Variants in UVRAG observed in about 807,000 individuals in gnomAD.
The protein encoded by UVRAG is UV radiation resistance-associated gene protein.
Under a neutral mutation model 78.0 loss-of-function variants are expected in UVRAG, and 19 were observed. That is an observed-to-expected ratio of 0.24 (90% CI 0.17 to 0.36). UVRAG has a LOEUF of 0.36. UVRAG is among the 10% of genes least tolerant of loss of function. UVRAG has a pLI of 1.00. For missense variants in UVRAG, 740 were observed against 853.8 expected, an observed-to-expected ratio of 0.87 and a Z score of 1.66; for synonymous variants, 323 against 324.6, an observed-to-expected ratio of 1.00 and a Z score of 0.05.
chr11:75,956,373 A>T (rs988444426), intron 6 of UVRAG, among the ~76,000 whole-genome samples: 2 of 150,430 alleles, frequency 1.3e-5, no homozygotes, highest in Admixed American at 1.3e-4. Flanking sequence ...GTGCAAAAGT[A>T]ATTGCAATTC....
intron 12 of UVRAG, among the ~76,000 whole-genome samples, chr11:76,036,820 A>C (rs1950544696): frequency 6.6e-6 from 1 of 152,042 alleles, no homozygotes; most frequent in South Asian, 2.1e-4. Flanking sequence ...ACATACTGTG[A>C]ACAGTTTTTA....
intron 12 of UVRAG, among the ~76,000 whole-genome samples, chr11:76,052,951 A>AT (rs1171994830): frequency 1.1e-4 from 17 of 149,482 alleles, no homozygotes; most frequent in Non-Finnish European, 2.4e-4. Flanking sequence ...TAGAGTATCT[A>AT]TATACTATAG....
intron 5 of UVRAG, among the ~76,000 whole-genome samples, chr11:75,894,802 CAA>C (rs375833755): frequency 4.8e-4 from 29 of 60,192 alleles, no homozygotes; most frequent in African/African-American, 9.2e-4. Context: ...CCGTCTCTAC[CAA>C]AAAAAAAAAA....
At chr11:75,920,638 G>C (rs976705520) in intron 6 of UVRAG, among the ~76,000 whole-genome samples, 1 of 151,744 alleles carries the variant, frequency 6.6e-6, no homozygotes, top group Non-Finnish European at 1.5e-5. Flanking sequence ...ACATAGGTCC[G>C]CATGACCCCT....
At chr11:76,009,747 A>G (rs963008670) in intron 11 of UVRAG, among the ~76,000 whole-genome samples, 1 of 152,206 alleles carries the variant, frequency 6.6e-6, no homozygotes, top group African/African-American at 2.4e-5. Flanking sequence ...AAGGAGAGTG[A>G]TAAACCAGGA....
intron 6 of UVRAG, chr11:75,930,927 T>TTTTCTTTCCTTCTTTCTTTC (rs1555089487): frequency 1.7e-4 from 20 of 117,512 alleles, no homozygotes; most frequent in African/African-American, 6.4e-4. Context: ...AGTGTCGGGA[T>TTTTCTTTCCTTCTTTCTTTC]TTTCTTTCTT....
intron 8 of UVRAG, among the ~76,000 whole-genome samples, chr11:75,996,281 A>G (rs1949705467): frequency 6.6e-6 from 1 of 152,108 alleles, no homozygotes; most frequent in African/African-American, 2.4e-5. Context: ...AGGTGGTTGA[A>G]GATAGAAGTA....
At chr11:76,104,213 A>C (rs112557562) in intron 13 of UVRAG, among the ~76,000 whole-genome samples, 47 of 152,198 alleles carry the variant, frequency 3.1e-4, no homozygotes, top group African/African-American at 1.1e-3. Flanking sequence ...AGATTAAATG[A>C]GATGACATAA....
intron 6 of UVRAG, among the ~76,000 whole-genome samples, chr11:75,918,003 G>C (rs563328099): frequency 6.6e-6 from 1 of 152,240 alleles, no homozygotes; most frequent in East Asian, 1.9e-4. Context: ...TCTAGCTCCA[G>C]AGGCTATCAT....
chr11:75,851,922 A>G lies in UVRAG; in HGVS notation c.157A>G (p.Ile53Val), dbSNP rs1253357508. The change falls in exon 2 of 15, where the codon ATT becomes GTT. Residue 53 changes from isoleucine (I) to valine (V), a missense_variant. Ile to Val is a conservative substitution (Grantham distance 29). Transcript: ENST00000356136. ...RHLRNIAARNIVNRNGHQLLD... is the reference protein window; with the variant it reads ...RHLRNIAARNVVNRNGHQLLD... ...TCTTCGGAACATTGCTGCCCGGAAC[A>G]TTGTTAATAGAAATGGCCATCAGCT... 7 of 1,613,946 alleles carry G rather than the reference A, an allele frequency of 4.3e-6. No homozygotes were observed. The highest frequency in any genetic ancestry group is 1.7e-5 in the Admixed American group (1 of 59,984).
At chr11:76,039,734 A>G (rs1469837024) in intron 12 of UVRAG, among the ~76,000 whole-genome samples, 1 of 152,034 alleles carries the variant, frequency 6.6e-6, no homozygotes, top group Admixed American at 6.6e-5. Context: ...AATTAGCCGG[A>G]TGTGGGGGTG....
intron 13 of UVRAG, among the ~76,000 whole-genome samples, chr11:76,111,651 TC>T (rs1952068468): frequency 6.6e-6 from 1 of 152,122 alleles, no homozygotes; most frequent in Non-Finnish European, 1.5e-5. Flanking sequence ...AGATTATGCC[TC>T]AAGACAGAGG....
In UVRAG at chr11:75,888,845, A is replaced by G; in HGVS notation, c.449A>G (p.Gln150Arg). 1 of 1,613,642 alleles carries G rather than the reference A, an allele frequency of 6.2e-7. No individual in the cohort carries two copies. Among genetic ancestry groups the G allele is most frequent in the Non-Finnish European group, 8.5e-7 (1 of 1,179,826 alleles). ...YLGQQIHARN[Q>R]NEIIFGLNDG... ...CTCTCTTAGATTCATGCCCGAAACC[A>G]AAATGAAATAATTTTTGGGCTGAAT... The change falls in exon 5 of 15, where the codon CAA (glutamine) becomes CGA (arginine). Residue 150 changes from glutamine (Q) to arginine (R), a missense_variant. Coordinates refer to ENST00000356136, the MANE Select transcript of UVRAG (RefSeq NM_003369.4).
chr11:75,929,556 C>T (rs1591029696), intron 6 of UVRAG, among the ~76,000 whole-genome samples: 2 of 152,276 alleles, frequency 1.3e-5, no homozygotes, highest in African/African-American at 4.8e-5. Flanking sequence ...TTGGCCTCAG[C>T]GTGCTCAGTC....
chr11:76,050,865 C>T (rs1009312451), intron 12 of UVRAG, among the ~76,000 whole-genome samples: 10 of 152,134 alleles, frequency 6.6e-5, no homozygotes, highest in Non-Finnish European at 1.5e-5. Flanking sequence ...TTCAGAGTAG[C>T]ATGTTCTAGT....
intron 2 of UVRAG, among the ~76,000 whole-genome samples, chr11:75,853,674 AG>A (rs1300789459): frequency 2.0e-5 from 3 of 151,384 alleles, no homozygotes; most frequent in Admixed American, 6.6e-5. Context: ...GGATGGGAAA[AG>A]GACTCTAAAT....
intron 13 of UVRAG, among the ~76,000 whole-genome samples, chr11:76,099,323 G>A (rs559673545): frequency 6.6e-6 from 1 of 152,138 alleles, no homozygotes; most frequent in Non-Finnish European, 1.5e-5. Context: ...TTATTTTCTT[G>A]TTCTGTGCCT....
At chr11:76,008,016 T>C (rs997449437) in intron 10 of UVRAG, among the ~76,000 whole-genome samples, 1 of 152,034 alleles carries the variant, frequency 6.6e-6, no homozygotes, top group Non-Finnish European at 1.5e-5. Flanking sequence ...CACGCCATTC[T>C]CCTGCCTCAG....
chr11:76,060,232 C>G (rs1041822342), intron 12 of UVRAG, among the ~76,000 whole-genome samples: 1 of 152,146 alleles, frequency 6.6e-6, no homozygotes, highest in Non-Finnish European at 1.5e-5. Flanking sequence ...AAGAAAAATC[C>G]TGCTCAGACT....
Sources: allele counts gnomAD v4.1 joint callset (sites outside exome capture counted in the v4.1 genomes callset), GRCh38; gene constraint gnomAD v4.1.1; transcripts MANE v1.5; gene names NCBI Gene and HGNC (gene_info 2026-07-23, HGNC 2026-07-21).